Variants in PTPN12 observed in about 807,000 individuals in gnomAD.
PTPN12 encodes the protein tyrosine-protein phosphatase non-receptor type 12.
In PTPN12, 29 loss-of-function variants were observed where a neutral mutation model predicts 97.6. The observed-to-expected ratio is 0.30, with a 90% CI of 0.22 to 0.41. PTPN12 has a LOEUF of 0.41. PTPN12 is among the 10% of genes least tolerant of loss of function. The pLI, the probability that PTPN12 is intolerant of heterozygous loss-of-function variation, is 1.00. For missense variants in PTPN12, 819 were observed against 926.0 expected (o/e 0.88, Z 1.50); for synonymous variants, 327 against 300.4 (o/e 1.09, Z -0.91).
intron 12 of PTPN12, among the ~76,000 whole-genome samples, chr7:77,619,435 C>T (rs1250470052): frequency 6.6e-6 from 1 of 152,122 alleles, no homozygotes; most frequent in Non-Finnish European, 1.5e-5. Context: ...AAAAAGCCTG[C>T]AGCTTCCCTC....
chr7:77,605,678 C>T (rs999423391), intron 8 of PTPN12, among the ~76,000 whole-genome samples: 4 of 151,836 alleles, frequency 2.6e-5, no homozygotes, highest in African/African-American at 9.7e-5. Context: ...TCCTTGGCCT[C>T]CCATTGTGTT....
intron 1 of PTPN12, among the ~76,000 whole-genome samples, chr7:77,566,433 C>G (rs1808258333): frequency 6.6e-6 from 1 of 152,024 alleles, no homozygotes; most frequent in Admixed American, 6.6e-5. Context: ...TTAAAGACTT[C>G]TGGGGTAGGC....
At chr7:77,597,159 T>A (rs906423394) in intron 6 of PTPN12, among the ~76,000 whole-genome samples, 1 of 152,220 alleles carries the variant, frequency 6.6e-6, no homozygotes, top group African/African-American at 2.4e-5. Flanking sequence ...AGTCTTGCTC[T>A]GTCGCCCAGG....
chr7:77,627,368 GAA>G lies in PTPN12; in HGVS notation c.1692_1693del (p.Lys564AsnfsTer13). On this transcript the variant is annotated frameshift_variant, in exon 13 of 18. Coordinates refer to ENST00000248594, the MANE Select transcript of PTPN12 (RefSeq NM_002835.4). LOFTEE classifies it high-confidence loss of function. ...CCTCAGATATCAACTATCAAACTAGGAAAACTGTGAGTTTAACACCAAGTCCT... is the reference window on the plus strand; with the variant it reads ...CCTCAGATATCAACTATCAAACTAGGAACTGTGAGTTTAACACCAAGTCCT... ...NSSDINYQTR[K>X]TVSLTPSPTT... The G allele has an allele frequency of 6.2e-7, 1 of 1,613,922 alleles. No individual in the cohort carries two copies. The highest frequency in any genetic ancestry group is 8.5e-7 in the Non-Finnish European group (1 of 1,179,916).
intron 1 of PTPN12, among the ~76,000 whole-genome samples, chr7:77,555,984 T>A (rs1330682370): frequency 6.6e-6 from 1 of 152,242 alleles, no homozygotes; most frequent in Non-Finnish European, 1.5e-5. Context: ...CTTATATTGA[T>A]TGCCCATCTA....
intron 5 of PTPN12, 70 bp from the exon 6 acceptor site, chr7:77,592,115 A>G: frequency 1.5e-6 from 2 of 1,354,702 alleles, no homozygotes; most frequent in South Asian, 1.2e-5. Flanking sequence ...ACCTCAGGAC[A>G]CAAAATATTT....
chr7:77,556,721 T>G (rs1807728849), intron 1 of PTPN12, among the ~76,000 whole-genome samples: 1 of 152,006 alleles, frequency 6.6e-6, no homozygotes, highest in Non-Finnish European at 1.5e-5. Flanking sequence ...TCCCAGCTAC[T>G]CGGGAGGCTG....
intron 13 of PTPN12, among the ~76,000 whole-genome samples, chr7:77,629,302 T>G (rs1789315454): frequency 6.6e-6 from 1 of 152,242 alleles, no homozygotes; most frequent in African/African-American, 2.4e-5. Flanking sequence ...TTTCTTGATT[T>G]ATCTTTGTTT....
At position 77,581,424 on chromosome 7, in the gene PTPN12, T is replaced by C. The variant is rs1787512967; in HGVS notation, c.209-3T>C. The C allele has an allele frequency of 1.9e-6, 3 of 1,600,166 alleles. No individual in the cohort carries two copies. Among genetic ancestry groups the C allele is most frequent in the Non-Finnish European group, 8.5e-7 (1 of 1,171,264 alleles). ...ACATATTTTATGAATTTTTTTCTCG[T>C]AGTTGATCACAGCCGAGTTAAATTG... On this transcript the variant is annotated splice_region_variant and splice_polypyrimidine_tract_variant and intron_variant, in intron 2 of 17. Transcript: ENST00000248594.
At position 77,615,054 on chromosome 7, in the gene PTPN12, C is replaced by CT. The variant is rs372683558; in HGVS notation, c.940-3425dup. ...ATTCTGTAAGCCTGTATCATATTGACTGAGGATTTAGAGGTACCTTAATAA... is the reference window on the plus strand; with the variant it reads ...ATTCTGTAAGCCTGTATCATATTGACTTGAGGATTTAGAGGTACCTTAATAA... On this transcript the variant is annotated intron_variant, in intron 11 of 17. Transcript: ENST00000248594. Among the ~76,000 whole-genome samples the CT allele has an allele frequency of 2.6e-3, 393 of 152,224 alleles. 5 individuals are homozygous for CT. Among genetic ancestry groups the CT allele is most frequent in the African/African-American group, 9.0e-3 (373 of 41,546 alleles).
At chr7:77,553,116 C>T (rs773035717) in intron 1 of PTPN12, among the ~76,000 whole-genome samples, 12 of 152,114 alleles carry the variant, frequency 7.9e-5, no homozygotes, top group Non-Finnish European at 1.5e-4. Context: ...CCCCTACATC[C>T]AAAATTTTTT....
Position 77,625,563 on chromosome 7 carries a change from CTCTTTTTT to C in PTPN12, c.1026-1140_1026-1133del, listed in dbSNP as rs1196711160. Among the ~76,000 whole-genome samples the C allele has an allele frequency of 2.9e-4, 8 of 27,784 alleles. 1 individual carries two copies. The highest frequency in any genetic ancestry group is 1.8e-3 in the South Asian group (1 of 546). 18.2% of individuals were successfully genotyped at this position (27,784 alleles called of 152,430 possible). Reference sequence around the variant, plus strand: ...TCGCGCTCTCTCTCTCGCTCTCTCTCTCTTTTTTTTTTTTTTTTTTTTTTTGGAGACAG... The same window carrying C: ...TCGCGCTCTCTCTCTCGCTCTCTCTCTTTTTTTTTTTTTTTTTGGAGACAG... On this transcript the variant is annotated intron_variant, in intron 12 of 17. Transcript: ENST00000248594.
At chr7:77,564,737 TGTTGTCGTG>T (rs1808157615) in intron 1 of PTPN12, among the ~76,000 whole-genome samples, 3 of 142,602 alleles carry the variant, frequency 2.1e-5, no homozygotes, top group African/African-American at 7.8e-5. Flanking sequence ...TGTTGTTTTT[TGTTGTCGTG>T]TTTTTTTTTT....
chr7:77,627,061 C>G lies in PTPN12; in HGVS notation c.1382C>G (p.Ala461Gly), dbSNP rs777957093. Residue 461 changes from alanine to glycine, a missense_variant, in exon 13 of 18, where the codon GCA becomes GGA. This residue lies in a region of PTPN12 where 607 missense variants were observed against 577.3 expected (regional missense o/e 1.05). Transcript: ENST00000248594. ...AACACACTTTTGAATAGGGGACATG[C>G]AATTAAAATTAAATCTGCTTCACCT... is the stretch of plus-strand genomic sequence containing the variant. ...DGNTLLNRGH[A>G]IKIKSASPCI... 6.2e-7 allele frequency: 1 copy of G among 1,613,788 alleles called. No individual in the cohort carries two copies. The highest frequency in any genetic ancestry group is 8.5e-7 in the Non-Finnish European group (1 of 1,179,822).
intron 3 of PTPN12, among the ~76,000 whole-genome samples, chr7:77,582,025 TTAAA>T (rs1321752192): frequency 1.3e-5 from 2 of 151,450 alleles, no homozygotes; most frequent in Admixed American, 1.3e-4. Context: ...AAATCCAAGA[TTAAA>T]TAGTCTCTTT....
chr7:77,630,873 T>A (rs564525232), intron 13 of PTPN12, among the ~76,000 whole-genome samples: 3 of 152,230 alleles, frequency 2.0e-5, no homozygotes, highest in Admixed American at 2.0e-4. Flanking sequence ...AAACAAAAGT[T>A]TTTAACAGGA....
intron 12 of PTPN12, among the ~76,000 whole-genome samples, chr7:77,625,840 G>C (rs930379890): frequency 6.6e-6 from 1 of 151,860 alleles, no homozygotes; most frequent in African/African-American, 2.4e-5. Flanking sequence ...AAAGTGCTGG[G>C]ATTACAGGCG....
At chr7:77,563,126 C>T (rs927598367) in intron 1 of PTPN12, among the ~76,000 whole-genome samples, 2 of 152,088 alleles carry the variant, frequency 1.3e-5, no homozygotes, top group Admixed American at 1.3e-4. Context: ...GATTATCTAG[C>T]TATATTGGAG....
At chr7:77,613,456 TA>T (rs1264205964) in intron 11 of PTPN12, among the ~76,000 whole-genome samples, 2 of 151,722 alleles carry the variant, frequency 1.3e-5, no homozygotes, top group Middle Eastern at 6.8e-3. Context: ...ATTACAGGCA[TA>T]AGCTACTGCA....
Sources: allele counts gnomAD v4.1 joint callset (sites outside exome capture counted in the v4.1 genomes callset), GRCh38; gene constraint gnomAD v4.1.1; regional missense constraint gnomAD v4.1.1; transcripts MANE v1.5; gene names NCBI Gene and HGNC (gene_info 2026-07-23, HGNC 2026-07-21).